The following PON1 variants were observed in gnomAD, a reference collection of about 807,000 sequenced individuals.
The protein encoded by PON1 is paraoxonase 1.
In PON1, 37 loss-of-function variants were observed where a neutral mutation model predicts 39.2. That is an observed-to-expected ratio of 0.94 (90% CI 0.73 to 1.24). PON1 has a LOEUF of 1.24. PON1 is among the 50% of genes most tolerant of loss of function. The pLI is 0.00. For synonymous variants in PON1, 148 were observed against 152.2 expected (o/e 0.97, Z 0.21); for missense variants, 397 against 413.5 (o/e 0.96, Z 0.35).
chr7:95,302,096 C>CAAAAAAAAAAAAAAAAAAAAAAA (rs770841829), intron 8 of PON1, 109 bp downstream of exon 8: 6 of 322,034 alleles, frequency 1.9e-5, no homozygotes, highest in African/African-American at 5.0e-5. Flanking sequence ...TACTCTGTCA[C>CAAAAAAAAAAAAAAAAAAAAAAA]AAAAAAAAAA....
intron 3 of PON1, among the ~76,000 whole-genome samples, 159 bp downstream of exon 3, chr7:95,316,575 T>C (rs3917499): frequency 0.022 from 3,411 of 152,332 alleles, 141 homozygotes; most frequent in African/African-American, 0.078. Flanking sequence ...ATCATAATTA[T>C]AGCACAAGTG....
chr7:95,302,109 A>AG (rs994333685), intron 8 of PON1, 96 bp downstream of exon 8: 1 of 825,782 alleles, frequency 1.2e-6, no homozygotes, highest in Non-Finnish European at 1.7e-6. Flanking sequence ...AAAAAAAAAA[A>AG]AAAAAAAAAA....
chr7:95,312,563 G>T (rs776037518), intron 4 of PON1, among the ~76,000 whole-genome samples: 2 of 152,258 alleles, frequency 1.3e-5, no homozygotes, highest in South Asian at 4.1e-4. Context: ...GAGTAACGAA[G>T]TATTATCTTC....
At chr7:95,310,214 TATA>T (rs914698461) in intron 5 of PON1, among the ~76,000 whole-genome samples, 1 of 152,346 alleles carries the variant, frequency 6.6e-6, no homozygotes, top group African/African-American at 2.4e-5. Context: ...CCAAAATGGA[TATA>T]ATAATAACAC....
chr7:95,307,821 G>A (rs1445755735), intron 6 of PON1, among the ~76,000 whole-genome samples, 190 bp downstream of exon 6: 1 of 152,070 alleles, frequency 6.6e-6, no homozygotes, highest in Non-Finnish European at 1.5e-5. Flanking sequence ...AAACCAGTAT[G>A]CCTTCACAAT....
rs854560 is a variant in PON1 at position 95,316,772 on chromosome 7, A to C, written c.163T>G (p.Leu55Val). 1 of 1,612,736 alleles carries C rather than the reference A, an allele frequency of 6.2e-7. No individual in the cohort carries two copies. Among genetic ancestry groups the C allele is most frequent in the Non-Finnish European group, 8.5e-7 (1 of 1,178,966 alleles). ...GCCAGTCCATTAGGCAGTATCTCCA[A>C]GTCTTCAGAGCCAGTTTCTGCCAGA... ...VKGIETGSED[L>V]EILPNGLAFI... is the part of the protein sequence containing the mutation. The change falls in exon 3 of 9, where the codon TTG becomes GTG. Residue 55 changes from leucine (L) to valine (V), a missense_variant. Physicochemically the swap from Leu to Val is conservative, Grantham distance 32. Coordinates refer to ENST00000222381, the MANE Select transcript of PON1 (RefSeq NM_000446.7).
intron 7 of PON1, among the ~76,000 whole-genome samples, chr7:95,302,668 TCTC>T (rs1217407759): frequency 6.6e-6 from 1 of 151,956 alleles, no homozygotes; most frequent in African/African-American, 2.4e-5. Flanking sequence ...TCATAAAACA[TCTC>T]CTTCTAAAAT....
At chr7:95,303,434 A>T (rs1807475162) in intron 7 of PON1, among the ~76,000 whole-genome samples, 1 of 152,200 alleles carries the variant, frequency 6.6e-6, no homozygotes, top group Non-Finnish European at 1.5e-5. Flanking sequence ...TTGAATGAGG[A>T]AAATGTTTGT....
At chr7:95,303,650 A>G (rs1319089823) in intron 7 of PON1, among the ~76,000 whole-genome samples, 2 of 152,180 alleles carry the variant, frequency 1.3e-5, no homozygotes, top group Non-Finnish European at 2.9e-5. Context: ...GACACAGCTC[A>G]TGCCATGGAA....
At chr7:95,306,167 T>G in intron 7 of PON1, 118 bp downstream of exon 7, 1 of 832,634 alleles carries the variant, frequency 1.2e-6, no homozygotes, top group East Asian at 2.4e-5. Flanking sequence ...AATAAAGGAG[T>G]GAAAAATTGG....
In PON1 at chr7:95,299,035, G is replaced by C. The variant is rs753623917; in HGVS notation, c.977C>G (p.Thr326Arg). Reference protein sequence around the residue: ...KVTQVYAENGTVLQGSTVASV... With the variant: ...KVTQVYAENGRVLQGSTVASV... ...GGCAACTGTACTGCCTTGCAACACTGTGCCATTTTCTGCATAAACCTGTGT... is the reference window on the plus strand; with the variant it reads ...GGCAACTGTACTGCCTTGCAACACTCTGCCATTTTCTGCATAAACCTGTGT... Residue 326 changes from threonine (T) to arginine (R), a missense_variant, in exon 9 of 9, where the codon ACA becomes AGA. Thr to Arg is a moderately conservative substitution (Grantham distance 71). Coordinates refer to ENST00000222381, the MANE Select transcript of PON1 (RefSeq NM_000446.7). The C allele has an allele frequency of 1.4e-5, 22 of 1,614,008 alleles. 1 individual carries two copies. Among genetic ancestry groups the C allele is most frequent in the South Asian group, 2.2e-5 (2 of 91,092 alleles).
intron 7 of PON1, 129 bp downstream of exon 7, chr7:95,306,154 CTT>C (rs1183946852): frequency 1.0e-5 from 8 of 775,782 alleles, no homozygotes; most frequent in Admixed American, 1.8e-5. Context: ...GCTAATGACT[CTT>C]AATAAAGGAG....
intron 8 of PON1, among the ~76,000 whole-genome samples, chr7:95,300,350 C>T (rs1206052606): frequency 6.6e-6 from 1 of 152,182 alleles, no homozygotes; most frequent in African/African-American, 2.4e-5. Flanking sequence ...TCAGCTCTAG[C>T]TTTCTATTAT....
intron 5 of PON1, 35 bp downstream of exon 5, chr7:95,311,416 C>A (rs774510695): frequency 1.1e-5 from 18 of 1,612,452 alleles, no homozygotes; most frequent in Non-Finnish European, 1.5e-5. Flanking sequence ...TCCGCTACAG[C>A]TAAAGGAAAA....
intron 8 of PON1, 47 bp downstream of exon 8, chr7:95,302,158 A>G (rs1466355202): frequency 7.2e-6 from 11 of 1,518,312 alleles, no homozygotes; most frequent in South Asian, 4.5e-5. Flanking sequence ...CTGAAAAAAC[A>G]GTAGCTGGGA....
At position 95,297,915 on chromosome 7, in the gene PON1, A is replaced by G. The variant is rs1807307395; in HGVS notation, c.*1029T>C. ...AAAAACAAATAAATGAAAATGTGTA[A>G]CCTTTATATATCAGTTTCTATAACA... On this transcript the variant is annotated 3_prime_UTR_variant, in exon 9 of 9. Transcript: ENST00000222381. The G allele has an allele frequency of 6.6e-6, 1 of 152,180 alleles. No individual in the cohort carries two copies. The highest frequency in any genetic ancestry group is 2.1e-4 in the South Asian group (1 of 4,826). 9.4% of individuals were successfully genotyped at this position (152,180 alleles called of 1,614,324 possible). A position where few individuals can be genotyped will look rare whatever the true frequency, so the allele number is the denominator to read the frequency against.
intron 5 of PON1, among the ~76,000 whole-genome samples, chr7:95,310,981 T>C (rs753945763): frequency 2.0e-5 from 3 of 152,194 alleles, no homozygotes; most frequent in Non-Finnish European, 2.9e-5. Context: ...TGCATAAATT[T>C]TGTGCAATCA....
At chr7:95,317,743 T>G (rs1246760521) in intron 2 of PON1, among the ~76,000 whole-genome samples, 1 of 152,224 alleles carries the variant, frequency 6.6e-6, no homozygotes, top group Non-Finnish European at 1.5e-5. Flanking sequence ...CTCCTACCGT[T>G]TTATCTTTGC....
intron 8 of PON1, among the ~76,000 whole-genome samples, chr7:95,301,538 G>A (rs916602759): frequency 5.3e-5 from 8 of 152,116 alleles, no homozygotes; most frequent in South Asian, 2.1e-4. Flanking sequence ...ACCCACCACC[G>A]TCTACCTGTT....
Sources: allele counts gnomAD v4.1 joint callset (sites outside exome capture counted in the v4.1 genomes callset), GRCh38; gene constraint gnomAD v4.1.1; transcripts MANE v1.5; gene names NCBI Gene and HGNC (gene_info 2026-07-23, HGNC 2026-07-21).